Variants in L3MBTL2 observed in about 807,000 individuals in gnomAD.
The protein encoded by L3MBTL2 is L3MBTL histone methyl-lysine binding protein 2.
In L3MBTL2, 49 loss-of-function variants were observed where a neutral mutation model predicts 86.4. That is an observed-to-expected ratio of 0.57 (90% CI 0.45 to 0.72). The LOEUF is 0.72. L3MBTL2 is among the 30% of genes least tolerant of loss of function. L3MBTL2 has a pLI of 0.00. For synonymous variants in L3MBTL2, 336 were observed against 350.6 expected, an observed-to-expected ratio of 0.96 and a Z score of 0.47; for missense variants, 755 against 923.7, an observed-to-expected ratio of 0.82 and a Z score of 2.37.
chr22:41,206,806 C>CAA (rs137931070), intron 1 of L3MBTL2, among the ~76,000 whole-genome samples: 5 of 114,600 alleles, frequency 4.4e-5, no homozygotes, highest in Non-Finnish European at 7.5e-5. Flanking sequence ...GACTGTGTCT[C>CAA]AAAAAAAAAA....
At chr22:41,207,479 T>C (rs1442243177) in intron 1 of L3MBTL2, among the ~76,000 whole-genome samples, 1 of 151,950 alleles carries the variant, frequency 6.6e-6, no homozygotes, top group South Asian at 2.1e-4. Flanking sequence ...TGTCTCGGCC[T>C]CCCAAAGTGC....
chr22:41,209,992 G>A, intron 2 of L3MBTL2, 59 bp downstream of exon 2: 4 of 1,585,996 alleles, frequency 2.5e-6, no homozygotes, highest in Non-Finnish European at 3.4e-6. Context: ...GAGGAAGAGG[G>A]GGGTGGATAT....
At chr22:41,221,007 C>G in intron 7 of L3MBTL2, 139 bp downstream of exon 7, 1 of 1,099,684 alleles carries the variant, frequency 9.1e-7, no homozygotes, top group Non-Finnish European at 1.3e-6. Context: ...TCCTGCCCTC[C>G]CCATCCCAGA....
At chr22:41,212,479 C>A (rs1290476193) in intron 2 of L3MBTL2, among the ~76,000 whole-genome samples, 1 of 148,752 alleles carries the variant, frequency 6.7e-6, no homozygotes, top group Non-Finnish European at 1.5e-5. Context: ...CTCACTGCAA[C>A]CTCCGCCTCC....
intron 15 of L3MBTL2, chr22:41,228,104 G>C (rs1225662977): frequency 4.1e-6 from 4 of 985,480 alleles, no homozygotes; most frequent in East Asian, 2.3e-4. Flanking sequence ...CTCTGGCCAT[G>C]GTCAGGGTGC....
intron 2 of L3MBTL2, 197 bp from the exon 3 acceptor site, chr22:41,213,696 C>T (rs2031106147): frequency 5.5e-6 from 3 of 546,010 alleles, no homozygotes; most frequent in Non-Finnish European, 6.4e-6. Flanking sequence ...CCAAGGGAGG[C>T]CAAGCAGCAG....
Position 41,227,987 on chromosome 22 carries a change from C to G in L3MBTL2, c.1888+118C>G. 1.4e-6 allele frequency: 2 copies of G among 1,476,044 alleles called. No homozygotes were observed. Among genetic ancestry groups the G allele is most frequent in the Non-Finnish European group, 9.0e-7 (1 of 1,111,418 alleles). 91.4% of individuals were successfully genotyped at this position (1,476,044 alleles called of 1,614,324 possible). On this transcript the variant is annotated intron_variant, in intron 15 of 16. Transcript: ENST00000216237. This position sits in a 1 kb window ranked among gnomAD's most constrained non-coding sequence, Gnocchi z 6.0. ...TGGTTCCCAGGTGCTGTCCTACTGA[C>G]GTAGCTCTCTTCGTGTTCCTGTCCT...
intron 4 of L3MBTL2, 38 bp from the exon 5 acceptor site, chr22:41,217,061 CCAGGCTCCTGGAGTGGCTGCTGCG>C (rs554599630): frequency 3.3e-4 from 463 of 1,414,650 alleles, no homozygotes; most frequent in Non-Finnish European, 4.4e-4. Context: ...CCCTTGGGGT[CCAGGCTCCTGGAGTGGCTGCTGCG>C]CAGGCTCCTA....
In L3MBTL2 at chr22:41,229,594, C is replaced by T. The variant is rs371211871; in HGVS notation, c.1943C>T (p.Pro648Leu). 1 of 1,613,628 alleles carries T rather than the reference C, an allele frequency of 6.2e-7. No individual in the cohort carries two copies. The highest frequency in any genetic ancestry group is 8.5e-7 in the Non-Finnish European group (1 of 1,179,766). Residue 648 changes from proline (P) to leucine (L), a missense_variant, in exon 16 of 17, where the codon CCC becomes CTC. Pro to Leu is a moderately conservative substitution (Grantham distance 98). Transcript: ENST00000216237. ...CCCCTCAGACAGGGGTCCAAGAAGC[C>T]CCTGCTGGAGGACGACCCTCAGGGT... The part of the protein sequence containing the change: ...TRPLRQGSKK[P>L]LLEDDPQGAR...
chr22:41,225,222 G>A lies in L3MBTL2; in HGVS notation c.1356+151G>A, dbSNP rs1842117499. On this transcript the variant is annotated intron_variant, in intron 11 of 16. Transcript: ENST00000216237. The surrounding 1 kb of genome is among the most constrained non-coding windows in gnomAD (Gnocchi z 4.1). Reference sequence around the variant, plus strand: ...CCAGAGTCCCTGACTTTTGTGAGTGGGGCCTGGCCTGCCCCTTGCTCAGAA... The same window carrying A: ...CCAGAGTCCCTGACTTTTGTGAGTGAGGCCTGGCCTGCCCCTTGCTCAGAA... 1 of 633,246 alleles carries A rather than the reference G, an allele frequency of 1.6e-6. No individual in the cohort carries two copies. Among genetic ancestry groups the A allele is most frequent in the Non-Finnish European group, 2.7e-6 (1 of 366,898 alleles). The allele number at this position is 633,246 out of a possible 1,614,324, so 39.2% of individuals were successfully genotyped here.
In L3MBTL2 at chr22:41,227,717, G is replaced by A. The variant is rs1427394552; in HGVS notation, c.1823-87G>A. The A allele has an allele frequency of 1.2e-6, 2 of 1,605,404 alleles. No homozygotes were observed. Among genetic ancestry groups the A allele is most frequent in the African/African-American group, 2.7e-5 (2 of 74,694 alleles). On this transcript the variant is annotated intron_variant, in intron 14 of 16. Transcript: ENST00000216237. This position sits in a 1 kb window ranked among gnomAD's most constrained non-coding sequence, Gnocchi z 6.0. ...GTCTTGGGGTGTCTCGTGTGGGAGG[G>A]TGGATGGGGTCTCGGGATGCGCCTG...
intron 5 of L3MBTL2, chr22:41,219,076 C>G (rs1183248473): frequency 9.0e-6 from 2 of 221,280 alleles, no homozygotes; most frequent in African/African-American, 4.5e-5. Context: ...CCTGCCATTG[C>G]TCGGGCTGGC....
In L3MBTL2 at chr22:41,227,535, T is replaced by C; in HGVS notation, c.1822+212T>C. ...GGCCTGCAGAGCTCCTTCCTTCATC[T>C]TGCCCACTCTGTCATATGTTCGTGC... On this transcript the variant is annotated intron_variant, in intron 14 of 16. Coordinates refer to ENST00000216237, the MANE Select transcript of L3MBTL2 (RefSeq NM_031488.5). The surrounding 1 kb of genome is among the most constrained non-coding windows in gnomAD (Gnocchi z 6.0). 6.7e-7 allele frequency: 1 copy of C among 1,487,832 alleles called. No individual in the cohort carries two copies. Among genetic ancestry groups the C allele is most frequent in the South Asian group, 1.2e-5 (1 of 81,958 alleles). 92.2% of individuals were successfully genotyped at this position (1,487,832 alleles called of 1,614,324 possible).
In L3MBTL2 at chr22:41,221,236, C is replaced by T; in HGVS notation, c.891C>T (p.Leu297=). The T allele has an allele frequency of 6.4e-7, 1 of 1,551,528 alleles. No homozygotes were observed. The highest frequency in any genetic ancestry group is 8.7e-7 in the Non-Finnish European group (1 of 1,146,758). Reference sequence around the variant, plus strand: ...AGTTCACCGACTGGAAGGGCTACCTCATGAAACGGCTGGTGGGCTCCAGGA... The same window carrying T: ...AGTTCACCGACTGGAAGGGCTACCTTATGAAACGGCTGGTGGGCTCCAGGA... ...HAKFTDWKGY[L]MKRLVGSRTL... Residue 297 remains leucine, a synonymous_variant, in exon 8 of 17, where the codon CTC becomes CTT. Coordinates refer to ENST00000216237, the MANE Select transcript of L3MBTL2 (RefSeq NM_031488.5).
At chr22:41,214,366 TCACCAGCC>T in intron 3 of L3MBTL2, 1 of 170,054 alleles carries the variant, frequency 5.9e-6, no homozygotes, top group Non-Finnish European at 1.3e-5. Context: ...GGCCCAAGGT[TCACCAGCC>T]ACGGTGGCTT....
intron 1 of L3MBTL2, among the ~76,000 whole-genome samples, chr22:41,206,883 T>A (rs79546): frequency 0.74 from 113,042 of 152,082 alleles, 42,996 homozygotes; most frequent in African/African-American, 0.91. Context: ...TAGCTCAAAC[T>A]TTCTGCAAGG....
chr22:41,209,552 A>G (rs1284068497), intron 1 of L3MBTL2, 144 bp from the exon 2 acceptor site: 2 of 680,686 alleles, frequency 2.9e-6, no homozygotes, highest in Non-Finnish European at 5.2e-6. Flanking sequence ...TGTAAATAGA[A>G]GTAATGATCT....
chr22:41,214,353 A>C (rs1177506814), intron 3 of L3MBTL2: 1 of 176,268 alleles, frequency 5.7e-6, no homozygotes, highest in African/African-American at 2.4e-5. Flanking sequence ...AAGTTGGGAA[A>C]CAGGCCCAAG....
At chr22:41,213,439 C>T (rs139448) in intron 2 of L3MBTL2, among the ~76,000 whole-genome samples, 57,809 of 147,636 alleles carry the variant, frequency 0.39, 11,539 homozygotes, top group African/African-American at 0.47. Flanking sequence ...AGTTTCCCCC[C>T]GCCAAATCAC....
Sources: gnomAD v4.1 joint callset for allele counts (sites outside exome capture counted in the v4.1 genomes callset) on GRCh38, gnomAD v4.1.1 for gene constraint, Gnocchi (gnomAD v3.1) non-coding constraint, MANE v1.5 for transcripts, NCBI Gene and HGNC (gene_info 2026-07-23, HGNC 2026-07-21) for gene names.